RUFY4: variants seen among roughly 807,000 people sequenced by gnomAD.
RUFY4 encodes RUN and FYVE domain containing 4, also known as RUN and FYVE domain-containing protein 4.
Under a neutral mutation model 69.0 loss-of-function variants are expected in RUFY4, and 73 were observed. The observed-to-expected ratio is 1.06, with a 90% confidence interval of 0.88 to 1.29. The LOEUF is 1.29. Ranked by LOEUF, RUFY4 falls within the 50% of genes most tolerant of loss-of-function variation. The pLI is 0.00. For synonymous variants in RUFY4, 287 were observed against 271.8 expected (o/e 1.06, Z -0.55); for missense variants, 770 against 705.6 (o/e 1.09, Z -1.03).
chr2:218,081,072 T>C (rs1689750338), intron 8 of RUFY4, among the ~76,000 whole-genome samples: 1 of 152,206 alleles, frequency 6.6e-6, no homozygotes, highest in Non-Finnish European at 1.5e-5. Flanking sequence ...AGTAAACTAA[T>C]TCCTTCCATG....
chr2:218,057,923 G>C (rs1011787251), intron 2 of RUFY4, among the ~76,000 whole-genome samples: 1 of 152,174 alleles, frequency 6.6e-6, no homozygotes, highest in African/African-American at 2.4e-5. Flanking sequence ...ATAAACATTT[G>C]GGTTGCTTCT....
exon 7 of RUFY4, chr2:218,075,587 G>A (rs377110484): frequency 9.3e-5 from 142 of 1,525,652 alleles, no homozygotes; most frequent in Admixed American, 4.3e-4. Context: ...GGCAGGGGTC[G>A]GGGGGCTCTA....
Position 218,072,425 on chromosome 2 carries a change from GA to G in RUFY4, c.206del (p.Asp69AlafsTer26). ...CCTGGGGCCTCGGAAGGATTACTGGGACTTTCTCTGCACTGCCCTACGACGG... is the reference window on the plus strand; with the variant it reads ...CCTGGGGCCTCGGAAGGATTACTGGGCTTTCTCTGCACTGCCCTACGACGG... On this transcript the variant is annotated frameshift_variant, in exon 3 of 11. Transcript: ENST00000344321. LOFTEE classifies it high-confidence loss of function. 1 of 1,537,434 alleles carries G rather than the reference GA, an allele frequency of 6.5e-7. No individual in the cohort carries two copies. Among genetic ancestry groups the G allele is most frequent in the Non-Finnish European group, 8.7e-7 (1 of 1,146,920 alleles).
chr2:218,045,357 T>A (rs192947793), intron 2 of RUFY4, among the ~76,000 whole-genome samples: 7 of 152,346 alleles, frequency 4.6e-5, no homozygotes, highest in South Asian at 4.1e-4. Flanking sequence ...CAAATACCCA[T>A]ATTGCATATA....
At chr2:218,041,248 G>A (rs1373813756) in intron 2 of RUFY4, among the ~76,000 whole-genome samples, 3 of 152,028 alleles carry the variant, frequency 2.0e-5, no homozygotes, top group Admixed American at 6.6e-5. Flanking sequence ...GACTCTCCAT[G>A]CCTACTCTTC....
intron 2 of RUFY4, among the ~76,000 whole-genome samples, chr2:218,051,483 G>C (rs1388342632): frequency 7.0e-6 from 1 of 143,172 alleles, no homozygotes; most frequent in African/African-American, 2.6e-5. Flanking sequence ...TTTTGCAAGA[G>C]AAAAAATATT....
upstream of RUFY4, among the ~76,000 whole-genome samples, chr2:218,069,769 G>A (rs1689437670): frequency 6.6e-6 from 1 of 152,044 alleles, no homozygotes; most frequent in South Asian, 2.1e-4. Context: ...CAGCCCGGGA[G>A]GCAGGACACC....
exon 3 of RUFY4, chr2:218,072,461 A>C: frequency 6.5e-7 from 1 of 1,537,314 alleles, no homozygotes; most frequent in Non-Finnish European, 8.7e-7. Context: ...GCAGCGGGGA[A>C]ACATGGAGCC....
upstream of RUFY4, among the ~76,000 whole-genome samples, chr2:218,068,325 C>T (rs566999787): frequency 4.6e-5 from 7 of 151,950 alleles, no homozygotes; most frequent in African/African-American, 1.4e-4. Flanking sequence ...CTCAGACAGA[C>T]TGAATTGGGA....
chr2:218,070,445 C>T (rs1689457995), upstream of RUFY4: 4 of 674,596 alleles, frequency 5.9e-6, no homozygotes, highest in Non-Finnish European at 1.1e-5. Context: ...CTGGGATTCT[C>T]CCCCTACTAG....
At chr2:218,039,551 A>G (rs1166434382) in intron 2 of RUFY4, among the ~76,000 whole-genome samples, 1 of 152,222 alleles carries the variant, frequency 6.6e-6, no homozygotes, top group African/African-American at 2.4e-5. Flanking sequence ...TCACTGCAGT[A>G]TAGTAGGGTT....
chr2:218,074,629 G>A (rs79041517), intron 6 of RUFY4, among the ~76,000 whole-genome samples: 5,541 of 152,262 alleles, frequency 0.036, 326 homozygotes, highest in African/African-American at 0.12. Context: ...GAGGAACATG[G>A]GAGCACAGAG....
At chr2:218,039,904 G>A (rs1265143703) in intron 2 of RUFY4, among the ~76,000 whole-genome samples, 2 of 152,198 alleles carry the variant, frequency 1.3e-5, no homozygotes, top group African/African-American at 4.8e-5. Flanking sequence ...AGCCTGAAAA[G>A]TAAGTAAAGA....
intron 8 of RUFY4, among the ~76,000 whole-genome samples, chr2:218,078,646 C>T (rs1689691059): frequency 6.6e-6 from 1 of 152,088 alleles, no homozygotes; most frequent in Admixed American, 6.6e-5. Context: ...CATGCTTTTT[C>T]AAATGCTTAA....
intron 8 of RUFY4, among the ~76,000 whole-genome samples, chr2:218,077,903 C>T (rs948537992): frequency 6.6e-6 from 1 of 152,198 alleles, no homozygotes; most frequent in African/African-American, 2.4e-5. Context: ...TTCAAGGGTT[C>T]AAGACAGTCT....
intron 2 of RUFY4, among the ~76,000 whole-genome samples, chr2:218,041,914 G>A (rs1688706431): frequency 1.3e-5 from 2 of 152,188 alleles, no homozygotes; most frequent in Admixed American, 6.5e-5. Flanking sequence ...GCAGTATAGC[G>A]TTATTCTCAG....
At chr2:218,081,510 C>T (rs1229553798) in intron 8 of RUFY4, among the ~76,000 whole-genome samples, 2 of 152,120 alleles carry the variant, frequency 1.3e-5, no homozygotes, top group Non-Finnish European at 2.9e-5. Context: ...TTACCCCTGC[C>T]CCAAACACTG....
intron 2 of RUFY4, among the ~76,000 whole-genome samples, chr2:218,039,423 A>C (rs958089397): frequency 6.6e-6 from 1 of 152,210 alleles, no homozygotes; most frequent in Non-Finnish European, 1.5e-5. Context: ...AATGTCTCCC[A>C]TTATTTATTT....
At chr2:218,087,547 G>A (rs562535350) in intron 9 of RUFY4, among the ~76,000 whole-genome samples, 1 of 152,216 alleles carries the variant, frequency 6.6e-6, no homozygotes, top group African/African-American at 2.4e-5. Flanking sequence ...TACAATGGTA[G>A]GCTAGGCATG....
Sources: allele counts gnomAD v4.1 joint callset (sites outside exome capture counted in the v4.1 genomes callset), GRCh38; gene constraint gnomAD v4.1.1; transcripts MANE v1.5; gene names NCBI Gene and HGNC (gene_info 2026-07-23, HGNC 2026-07-21).